FANCA: variants seen among roughly 807,000 people sequenced by gnomAD.
FANCA encodes FA complementation group A, also known as Fanconi anemia group A protein.
A neutral mutation model predicts 194.3 loss-of-function variants in FANCA; 236 were observed. The ratio of observed to expected loss-of-function variants is 1.21; its 90% CI spans 1.09 to 1.35. The LOEUF (loss-of-function observed/expected upper bound fraction) is 1.35. Among genes scored for constraint, FANCA ranks in the 40% most tolerant of loss-of-function variants. The pLI is 0.00. For missense variants in FANCA, 2,628 were observed against 1,813.9 expected (o/e 1.45, Z -8.15); for synonymous variants, 1,014 against 715.8 (o/e 1.42, Z -6.65).
chr16:89,785,055 C>T, intron 14 of FANCA, 91 bp from the exon 15 acceptor site: 2 of 869,704 alleles, frequency 2.3e-6, no homozygotes, highest in Non-Finnish European at 3.8e-6. Flanking sequence ...AGCGTGAAGC[C>T]CAGGACAGCC....
chr16:89,746,991 G>A (rs953172203), intron 33 of FANCA, 101 bp from the exon 34 acceptor site: 6 of 1,160,208 alleles, frequency 5.2e-6, no homozygotes, highest in East Asian at 2.6e-5. Context: ...AAAAACACTC[G>A]CTAAGGCTTG....
intron 3 of FANCA, among the ~76,000 whole-genome samples, chr16:89,814,222 C>T (rs1032229794): frequency 6.6e-6 from 1 of 152,204 alleles, no homozygotes; most frequent in Admixed American, 6.5e-5. Flanking sequence ...GCCTGTCTCA[C>T]TACTTCCATG....
chr16:89,783,165 C>T, intron 15 of FANCA, 63 bp from the exon 16 acceptor site: 1 of 1,240,310 alleles, frequency 8.1e-7, no homozygotes, highest in South Asian at 1.2e-5. Context: ...TCCAGGGAGG[C>T]CACAATTCAC....
At position 89,816,564 on chromosome 16, in the gene FANCA, G is replaced by A. The variant is rs1287222023; in HGVS notation, c.52C>T (p.Arg18Cys). The A allele has an allele frequency of 6.6e-7, 1 of 1,512,642 alleles. No homozygotes were observed. Among genetic ancestry groups the A allele is most frequent in the Admixed American group, 2.0e-5 (1 of 49,206 alleles). The allele number at this position is 1,512,642 out of a possible 1,614,324, so 93.7% of individuals were successfully genotyped here. Residue 18 changes from arginine to cysteine, a missense_variant, in exon 1 of 43, where the codon CGC becomes TGC. Physicochemically the swap from Arg to Cys is radical, Grantham distance 180. Coordinates refer to ENST00000389301, the MANE Select transcript of FANCA (RefSeq NM_000135.4). The part of the protein sequence containing the change: ...NSASGQDPGG[R>C]RRAWAELLAG... ...AGCAGCTCGGCCCAGGCCCTCCGGCGGCCCCCTGGGTCCTGGCCCGAGGCG... is the reference window on the plus strand; with the variant it reads ...AGCAGCTCGGCCCAGGCCCTCCGGCAGCCCCCTGGGTCCTGGCCCGAGGCG...
chr16:89,746,101 C>T (rs1192748237), intron 35 of FANCA, among the ~76,000 whole-genome samples: 3 of 152,168 alleles, frequency 2.0e-5, no homozygotes, highest in African/African-American at 7.2e-5. Context: ...CTCCCACTCT[C>T]GGGACCCTGG....
intron 37 of FANCA, among the ~76,000 whole-genome samples, chr16:89,741,433 G>A (rs2062131187): frequency 6.6e-6 from 1 of 152,234 alleles, no homozygotes; most frequent in Non-Finnish European, 1.5e-5. Flanking sequence ...GCTTTGAGCT[G>A]GTGTAAGTTG....
At chr16:89,743,716 A>G (rs1268636854) in intron 36 of FANCA, among the ~76,000 whole-genome samples, 1 of 151,890 alleles carries the variant, frequency 6.6e-6, no homozygotes, top group Non-Finnish European at 1.5e-5. Flanking sequence ...CCAGCTACTC[A>G]GGAGACTGAG....
At chr16:89,792,844 G>A (rs1224531484) in intron 11 of FANCA, 2 of 384,136 alleles carry the variant, frequency 5.2e-6, no homozygotes, top group East Asian at 6.1e-5. Flanking sequence ...TGATAGGTAA[G>A]GTCACGTGTC....
intron 5 of FANCA, among the ~76,000 whole-genome samples, chr16:89,809,600 G>A (rs948813857): frequency 2.8e-4 from 43 of 151,518 alleles, no homozygotes; most frequent in African/African-American, 7.5e-4. Flanking sequence ...CTGTAATCCC[G>A]GCACTTTGGG....
chr16:89,759,463 C>T (rs2038876541), intron 29 of FANCA, among the ~76,000 whole-genome samples: 1 of 151,266 alleles, frequency 6.6e-6, no homozygotes. Flanking sequence ...TGGGAAGGGG[C>T]TCAAGGAGAC....
chr16:89,790,417 T>A (rs893307399), intron 14 of FANCA, among the ~76,000 whole-genome samples: 3 of 114,590 alleles, frequency 2.6e-5, no homozygotes, highest in Non-Finnish European at 4.9e-5. Flanking sequence ...AGTAAATAAA[T>A]AAAATAAATA....
At chr16:89,772,814 G>C (rs1195065170) in intron 22 of FANCA, among the ~76,000 whole-genome samples, 1 of 116,354 alleles carries the variant, frequency 8.6e-6, no homozygotes, top group African/African-American at 3.8e-5. Flanking sequence ...GTGAGACTCT[G>C]TCTCAAAAAA....
At chr16:89,792,114 G>T in intron 12 of FANCA, 46 bp from the exon 13 acceptor site, 1 of 1,613,014 alleles carries the variant, frequency 6.2e-7, no homozygotes, top group African/African-American at 1.3e-5. Context: ...GCAAACCAAT[G>T]TGCGACAGAT....
chr16:89,760,969 T>C (rs1431855956), intron 29 of FANCA, among the ~76,000 whole-genome samples: 4 of 152,168 alleles, frequency 2.6e-5, no homozygotes, highest in African/African-American at 4.8e-5. Flanking sequence ...AGTGGGTGCC[T>C]TATACGTGCC....
Position 89,749,860 on chromosome 16 carries a change from G to GTGTGGCT in FANCA, c.3108_3109insAGCCACA (p.Pro1037SerfsTer16). The GTGTGGCT allele has an allele frequency of 6.2e-7, 1 of 1,614,202 alleles. No homozygotes were observed. ...TCCTGGGAAGGGGTGTGGCCGAGAG[G>GTGTGGCT]CACTATGAGGTCTTGCTGCAGCTCC... On this transcript the variant is annotated frameshift_variant, in exon 32 of 43. Transcript: ENST00000389301. LOFTEE classifies it high-confidence loss of function.
At position 89,748,743 on chromosome 16, in the gene FANCA, A is replaced by G. The variant is rs1167053992; in HGVS notation, c.3264T>C (p.Ser1088=). Residue 1088 remains serine (S), a synonymous_variant, in exon 33 of 43, where the codon TCT becomes TCC. Coordinates refer to ENST00000389301, the MANE Select transcript of FANCA (RefSeq NM_000135.4). ...CCTGGAAGCTGCTGCCGCAGAGGAC[A>G]GACGAAGGCAGGCGGAGGAGGATCC... The part of the protein sequence containing the change: ...YKRILLRLPS[S]VLCGSSFQAE... The G allele has an allele frequency of 5.6e-6, 9 of 1,614,048 alleles. No homozygotes were observed. The highest frequency in any genetic ancestry group is 1.3e-5 in the African/African-American group (1 of 75,064).
Position 89,815,999 on chromosome 16 carries a change from G to C in FANCA, c.80-13C>G. ...TTGACCCTTCCCGCTACGGAGAGAA[G>C]TCGGTTCGAAACCATCACAGCACAA... On this transcript the variant is annotated splice_polypyrimidine_tract_variant and intron_variant, in intron 1 of 42. Transcript: ENST00000389301. 24 of 1,602,382 alleles carry C rather than the reference G, an allele frequency of 1.5e-5. No homozygotes were observed. The highest frequency in any genetic ancestry group is 2.1e-5 in the Non-Finnish European group (24 of 1,169,454).
At chr16:89,748,883 A>G in intron 32 of FANCA, 116 bp from the exon 33 acceptor site, 1 of 823,870 alleles carries the variant, frequency 1.2e-6, no homozygotes, top group Non-Finnish European at 2.0e-6. Context: ...CACTGTTGGA[A>G]CCAGAGCCTT....
At chr16:89,757,207 C>G (rs1417182478) in intron 30 of FANCA, among the ~76,000 whole-genome samples, 1 of 152,172 alleles carries the variant, frequency 6.6e-6, no homozygotes, top group Non-Finnish European at 1.5e-5. Context: ...GATGATCCGC[C>G]TGCCTTGGCC....
Sources: gnomAD v4.1 joint callset for allele counts (sites outside exome capture counted in the v4.1 genomes callset) on GRCh38, gnomAD v4.1.1 for gene constraint, MANE v1.5 for transcripts, NCBI Gene and HGNC (gene_info 2026-07-23, HGNC 2026-07-21) for gene names.